The following COX7A2L variants were observed in gnomAD, a reference collection of about 807,000 sequenced individuals.
The protein encoded by COX7A2L is cytochrome c oxidase subunit 7A2-like, mitochondrial.
A neutral mutation model predicts 14.2 loss-of-function variants in COX7A2L; 18 were observed. The observed-to-expected ratio is 1.27, with a 90% CI of 0.88 to 1.88. The LOEUF (loss-of-function observed/expected upper bound fraction) is 1.88, where lower values mean the gene tolerates loss of function less well. COX7A2L is among the 40% of genes most tolerant of loss of function. The pLI, the probability that COX7A2L is intolerant of heterozygous loss-of-function variation, is 0.00. For synonymous variants in COX7A2L, 65 were observed against 57.4 expected (o/e 1.13, Z -0.60); for missense variants, 179 against 138.8 (o/e 1.29, Z -1.46).
chr2:42,361,047 G>A (rs377160921), intron 1 of COX7A2L, 43 bp downstream of exon 1: 24 of 1,605,170 alleles, frequency 1.5e-5, no homozygotes, highest in Non-Finnish European at 2.0e-5. Context: ...CGAGGCTAGG[G>A]CCGCCACTTC....
At chr2:42,341,919 C>G (rs143367235) in intron 2 of COX7A2L, among the ~76,000 whole-genome samples, 1 of 152,316 alleles carries the variant, frequency 6.6e-6, no homozygotes, top group East Asian at 1.9e-4. Flanking sequence ...TAATCAAACA[C>G]CACTGAACTT....
intron 2 of COX7A2L, among the ~76,000 whole-genome samples, chr2:42,352,317 G>A (rs1023764126): frequency 1.3e-5 from 2 of 152,022 alleles, no homozygotes; most frequent in Admixed American, 6.5e-5. Flanking sequence ...TTACAGACGC[G>A]TGCCTATACA....
At chr2:42,353,005 G>A in intron 2 of COX7A2L, 1 of 612,970 alleles carries the variant, frequency 1.6e-6, no homozygotes. Flanking sequence ...AAATACTAAT[G>A]AGGAAATTAA....
intron 2 of COX7A2L, 97 bp downstream of exon 2, chr2:42,353,115 G>C: frequency 1.4e-6 from 2 of 1,415,972 alleles, no homozygotes; most frequent in Non-Finnish European, 1.9e-6. Context: ...AAAAGAAGGA[G>C]GGTGGGTAGT....
In COX7A2L at chr2:42,339,994, A is replaced by G. The variant is rs1670369144; in HGVS notation, c.193-6125T>C. 6.6e-6 allele frequency among the ~76,000 whole-genome samples: 1 copy of G among 152,098 alleles called. No individual in the cohort carries two copies. The highest frequency in any genetic ancestry group is 1.5e-5 in the Non-Finnish European group (1 of 68,014). On this transcript the variant is annotated intron_variant, in intron 2 of 2. Transcript: ENST00000468711. The surrounding 1 kb of genome is among the most constrained non-coding windows in gnomAD (Gnocchi z 5.4). ...TCCTCACTCCCACACGACCCTCTGA[A>G]CAATGTCGCAGACACCCCTGGTTTC...
chr2:42,349,772 C>T lies in COX7A2L; in HGVS notation c.*1447G>A, dbSNP rs906941564. On this transcript the variant is annotated 3_prime_UTR_variant, in exon 3 of 3. Coordinates refer to ENST00000234301, the MANE Select transcript of COX7A2L (RefSeq NM_004718.4). ...ACTGCATTATGGTTATAAAGGAACA[C>T]ATGTCCTTACTCAGAAGATACCTGC... 1 of 152,180 alleles carries T rather than the reference C, an allele frequency of 6.6e-6. No individual in the cohort carries two copies. Among genetic ancestry groups the T allele is most frequent in the African/African-American group, 2.4e-5 (1 of 41,428 alleles). The allele number at this position is 152,180 out of a possible 1,614,324, so 9.4% of individuals were successfully genotyped here.
intron 2 of COX7A2L, among the ~76,000 whole-genome samples, chr2:42,340,695 G>A (rs1670385390): frequency 6.6e-6 from 1 of 151,998 alleles, no homozygotes; most frequent in Admixed American, 6.6e-5. Flanking sequence ...CTCACGTGAG[G>A]TGCAAGTTCA....
intron 1 of COX7A2L, among the ~76,000 whole-genome samples, chr2:42,354,290 C>T (rs1351994780): frequency 1.3e-5 from 2 of 151,978 alleles, no homozygotes; most frequent in Non-Finnish European, 2.9e-5. Context: ...TGGGGGGGAT[C>T]TCTGGTTTTT....
downstream of COX7A2L, among the ~76,000 whole-genome samples, chr2:42,347,171 G>C: frequency 6.6e-6 from 1 of 152,104 alleles, no homozygotes; most frequent in Non-Finnish European, 1.5e-5. Context: ...GGCCTAGTAA[G>C]GCAATTTAAA....
intron 1 of COX7A2L, chr2:42,360,828 A>T (rs1671004997): frequency 2.0e-6 from 1 of 508,636 alleles, no homozygotes; most frequent in Admixed American, 3.6e-5. Flanking sequence ...TAGACAAGTG[A>T]CCCCGGGGGT....
At chr2:42,337,442 C>G (rs1670305133) in intron 2 of COX7A2L, among the ~76,000 whole-genome samples, 1 of 152,102 alleles carries the variant, frequency 6.6e-6, no homozygotes, top group South Asian at 2.1e-4. Context: ...AGACTAGTGA[C>G]TTCAGGGGAC....
At chr2:42,359,734 A>T (rs1670956213) in intron 1 of COX7A2L, 1 of 152,040 alleles carries the variant, frequency 6.6e-6, no homozygotes, top group Non-Finnish European at 1.5e-5. Context: ...AAGTTTATTA[A>T]ACTCCATATT....
upstream of COX7A2L, chr2:42,361,413 G>C (rs966259892): frequency 2.2e-6 from 1 of 446,778 alleles, no homozygotes; most frequent in Admixed American, 4.3e-5. Context: ...GGAGTCTGTA[G>C]GAAATATGAA....
upstream of COX7A2L, among the ~76,000 whole-genome samples, chr2:42,363,775 C>T (rs1671106063): frequency 6.6e-6 from 1 of 152,176 alleles, no homozygotes; most frequent in Non-Finnish European, 1.5e-5. Flanking sequence ...TCAGGTTGTT[C>T]CCCACATTCT....
At position 42,338,390 on chromosome 2, in the gene COX7A2L, C is replaced by A. The variant is rs768379099; in HGVS notation, c.193-4521G>T. On this transcript the variant is annotated intron_variant, in intron 2 of 2. Coordinates refer to the COX7A2L transcript ENST00000468711. This position sits in a 1 kb window ranked among gnomAD's most constrained non-coding sequence, Gnocchi z 4.4. ...GCAGAATTTCACTCTCTAGCAGAGC[C>A]CTCCCAAGACTGCCGCAGAACTGAG... Among the ~76,000 whole-genome samples, 5 of 152,182 alleles carry A rather than the reference C, an allele frequency of 3.3e-5. No individual in the cohort carries two copies. The highest frequency in any genetic ancestry group is 5.9e-5 in the Non-Finnish European group (4 of 68,038).
chr2:42,361,089 C>G lies in COX7A2L; in HGVS notation c.72+1G>C. 1 of 1,613,502 alleles carries G rather than the reference C, an allele frequency of 6.2e-7. No homozygotes were observed. On this transcript the variant is annotated splice_donor_variant, in intron 1 of 2. Transcript: ENST00000234301. LOFTEE classifies it high-confidence loss of function. ...CCGAGCTGGCCAGGCGCCACTCGTA[C>G]CTGCGGGCTATAGGCCTCCGAAGCC...
At chr2:42,335,949 G>T (rs1424234366) in intron 2 of COX7A2L, among the ~76,000 whole-genome samples, 2 of 152,200 alleles carry the variant, frequency 1.3e-5, no homozygotes, top group Non-Finnish European at 2.9e-5. Context: ...CTGGTTCACT[G>T]TGGCACCTGC....
intron 1 of COX7A2L, among the ~76,000 whole-genome samples, chr2:42,356,442 C>A (rs997012263): frequency 3.3e-5 from 5 of 152,188 alleles, no homozygotes; most frequent in African/African-American, 1.2e-4. Context: ...TATTCCAAGA[C>A]TTAGAAAAGC....
In COX7A2L at chr2:42,339,930, C is replaced by T. The variant is rs1670368426; in HGVS notation, c.193-6061G>A. Among the ~76,000 whole-genome samples the T allele has an allele frequency of 1.3e-5, 2 of 152,184 alleles. No homozygotes were observed. The highest frequency in any genetic ancestry group is 2.9e-5 in the Non-Finnish European group (2 of 68,028). On this transcript the variant is annotated intron_variant, in intron 2 of 2. Coordinates refer to the COX7A2L transcript ENST00000468711. This position sits in a 1 kb window ranked among gnomAD's most constrained non-coding sequence, Gnocchi z 5.4. The stretch of plus-strand genomic sequence containing the variant: ...TGAACCTCGCTGCTCTCTTCCTCTC[C>T]ACCCACCTTGTTCAGTCTTGGTTAT...
Sources: gnomAD v4.1 joint callset for allele counts (sites outside exome capture counted in the v4.1 genomes callset) on GRCh38, gnomAD v4.1.1 for gene constraint, Gnocchi (gnomAD v3.1) non-coding constraint, MANE v1.5 for transcripts, NCBI Gene and HGNC (gene_info 2026-07-23, HGNC 2026-07-21) for gene names.